Variants in TTC7B observed in about 807,000 individuals in gnomAD.
TTC7B encodes tetratricopeptide repeat domain 7B.
TTC7B carries 28 observed loss-of-function variants against 106.8 expected under a neutral mutation model. The observed-to-expected ratio is 0.26, with a 90% CI of 0.19 to 0.36. TTC7B has a LOEUF of 0.36. Among genes scored for constraint, TTC7B ranks in the 10% least tolerant of loss-of-function variants. The pLI, the probability that TTC7B is intolerant of heterozygous loss-of-function variation, is 1.00. For synonymous variants in TTC7B, 405 were observed against 430.6 expected, an observed-to-expected ratio of 0.94 and a Z score of 0.74; for missense variants, 862 against 1,076.4, an observed-to-expected ratio of 0.80 and a Z score of 2.79.
At chr14:90,542,001 G>A (rs908588758) in intron 19 of TTC7B, among the ~76,000 whole-genome samples, 6 of 152,106 alleles carry the variant, frequency 3.9e-5, no homozygotes, top group African/African-American at 1.2e-4. Flanking sequence ...GTGCAGTGGC[G>A]CGATCTTGGC....
In TTC7B at chr14:90,657,261, C is replaced by T. The variant is rs760210286; in HGVS notation, c.1254G>A (p.Lys418=). 5.0e-6 allele frequency: 8 copies of T among 1,613,940 alleles called. No individual in the cohort carries two copies. The highest frequency in any genetic ancestry group is 5.9e-6 in the Non-Finnish European group (7 of 1,180,002). The change falls in exon 11 of 20, where the codon AAG becomes AAA. Residue 418 remains lysine, a synonymous_variant. Transcript: ENST00000328459. The surrounding 1 kb of genome is among the most constrained non-coding windows in gnomAD (Gnocchi z 4.2). The part of the protein sequence containing the change: ...MAAGKSARAV[K]VLKECIRLKP... The stretch of plus-strand genomic sequence containing the variant: ...TCAGGCGGATACACTCTTTCAGCAC[C>T]TTCACGGCACGGGCAGACTTGGCAA...
intron 1 of TTC7B, among the ~76,000 whole-genome samples, chr14:90,814,080 T>C (rs1217116143): frequency 1.3e-5 from 2 of 152,240 alleles, no homozygotes; most frequent in Non-Finnish European, 2.9e-5. Context: ...TGTGAGTCTC[T>C]AGGACAAAAA....
chr14:90,596,734 A>G (rs373944330), intron 17 of TTC7B, among the ~76,000 whole-genome samples: 4 of 152,218 alleles, frequency 2.6e-5, no homozygotes, highest in African/African-American at 9.6e-5. Context: ...CCCTTATTAG[A>G]CCGTGTGGGT....
intron 3 of TTC7B, among the ~76,000 whole-genome samples, chr14:90,754,596 T>G (rs149287524): frequency 3.9e-5 from 6 of 152,318 alleles, no homozygotes; most frequent in Non-Finnish European, 7.4e-5. Flanking sequence ...TGAGATATTA[T>G]TCACATACCA....
chr14:90,804,092 T>C (rs1242794313), intron 1 of TTC7B, among the ~76,000 whole-genome samples: 3 of 151,892 alleles, frequency 2.0e-5, no homozygotes, highest in South Asian at 2.1e-4. Context: ...TCCCAGCACT[T>C]TGGAAGGCCG....
rs563866388 is a variant in TTC7B, at chr14:90,795,453, C to T, written c.122-9125G>A. ...GGCACACAGCTGGTCGTGGAGCAGC[C>T]GGACTGCAAAGTGGGGCCAGAAGTG... On this transcript the variant is annotated intron_variant, in intron 1 of 19. Coordinates refer to ENST00000328459, the MANE Select transcript of TTC7B (RefSeq NM_001010854.2). Among the ~76,000 whole-genome samples the T allele has an allele frequency of 1.4e-4, 21 of 152,270 alleles. 1 individual carries two copies. In the East Asian group the frequency reaches 1.5e-3, roughly 11 times the overall value.
chr14:90,748,129 AT>A lies in TTC7B; in HGVS notation c.446-3208del, dbSNP rs891054064. Among the ~76,000 whole-genome samples, 46 of 152,068 alleles carry A rather than the reference AT, an allele frequency of 3.0e-4. 1 individual carries two copies. The highest frequency in any genetic ancestry group is 1.2e-4 in the Non-Finnish European group (8 of 68,006). ...ATTTAAATCATTTATATTTAATGTA[AT>A]TTTTTAAACAGATAGGTTTAAATCT... On this transcript the variant is annotated intron_variant, in intron 3 of 19. Transcript: ENST00000328459.
rs1454322453 is a variant in TTC7B at position 90,525,494 on chromosome 14, C to CT, written c.*15873dup. The stretch of plus-strand genomic sequence containing the variant: ...GGCCTCGGACCGCACCGCTTTCGCC[C>CT]TGCGGCCCGGCTCGGTAGCCTGATC... On this transcript the variant is annotated 3_prime_UTR_variant, in exon 20 of 20. Transcript: ENST00000328459. 1.3e-5 allele frequency: 2 copies of CT among 151,752 alleles called. No individual in the cohort carries two copies. Among genetic ancestry groups the CT allele is most frequent in the African/African-American group, 4.8e-5 (2 of 41,334 alleles). The allele number at this position is 151,752 out of a possible 1,614,324, so 9.4% of individuals were successfully genotyped here.
intron 7 of TTC7B, among the ~76,000 whole-genome samples, chr14:90,682,650 C>CTGGG (rs1887099985): frequency 6.6e-6 from 1 of 152,156 alleles, no homozygotes; most frequent in African/African-American, 2.4e-5. Flanking sequence ...GTACCCAGGC[C>CTGGG]TCAGCCTTGA....
At chr14:90,796,046 C>T (rs1315706463) in intron 1 of TTC7B, among the ~76,000 whole-genome samples, 3 of 152,312 alleles carry the variant, frequency 2.0e-5, no homozygotes, top group African/African-American at 7.2e-5. Flanking sequence ...TGAACGCAGG[C>T]AGTCTCCCTA....
chr14:90,582,550 A>G (rs540026804), intron 18 of TTC7B, among the ~76,000 whole-genome samples: 1 of 152,344 alleles, frequency 6.6e-6, no homozygotes, highest in Non-Finnish European at 1.5e-5. Flanking sequence ...TTCCTCCAGC[A>G]ACTTCCATTC....
In TTC7B at chr14:90,805,882, C is replaced by T. The variant is rs1008929472; in HGVS notation, c.121+10293G>A. ...GGGGCACTTGGCCTCCTTGATCCCC[C>T]GGGGAAGGTGGGGCTGTGGCCTTTG... On this transcript the variant is annotated intron_variant, in intron 1 of 19. Transcript: ENST00000328459. This position sits in a 1 kb window ranked among gnomAD's most constrained non-coding sequence, Gnocchi z 4.0. Among the ~76,000 whole-genome samples, 21 of 152,230 alleles carry T rather than the reference C, an allele frequency of 1.4e-4. No homozygotes were observed. The highest frequency in any genetic ancestry group is 1.9e-4 in the African/African-American group (8 of 41,470).
Position 90,532,517 on chromosome 14 carries a change from G to A in TTC7B, c.*8851C>T, listed in dbSNP as rs1033321819. 1 of 152,358 alleles carries A rather than the reference G, an allele frequency of 6.6e-6. No individual in the cohort carries two copies. Among genetic ancestry groups the A allele is most frequent in the East Asian group, 1.9e-4 (1 of 5,184 alleles). The allele number at this position is 152,358 out of a possible 1,614,324, so 9.4% of individuals were successfully genotyped here. Reference sequence around the variant, plus strand: ...CCTCTTAAAGGTGAAGAAGCCCAGTGTCCTCCAGGGTGGGCACCTTCTTGT... The same window carrying A: ...CCTCTTAAAGGTGAAGAAGCCCAGTATCCTCCAGGGTGGGCACCTTCTTGT... On this transcript the variant is annotated 3_prime_UTR_variant, in exon 20 of 20. Transcript: ENST00000328459.
Position 90,608,520 on chromosome 14 carries a change from T to C in TTC7B, c.1966+2222A>G, listed in dbSNP as rs776365036. Among the ~76,000 whole-genome samples the C allele has an allele frequency of 2.0e-4, 30 of 151,994 alleles. No individual in the cohort carries two copies. Among genetic ancestry groups the C allele is most frequent in the Non-Finnish European group, 4.0e-4 (27 of 67,992 alleles). On this transcript the variant is annotated intron_variant, in intron 17 of 19. Transcript: ENST00000328459. This position sits in a 1 kb window ranked among gnomAD's most constrained non-coding sequence, Gnocchi z 5.1. ...TGAGGAAGGGCATAGGAGCCCGCGGTCCTGACTCCAAACACCTAGGCTCTC... is the reference window on the plus strand; with the variant it reads ...TGAGGAAGGGCATAGGAGCCCGCGGCCCTGACTCCAAACACCTAGGCTCTC...
rs1446287386 is a variant in TTC7B at position 90,676,413 on chromosome 14, G to C, written c.1152+110C>G. ...TTAAGTGACTGGCCCAAGATCACAT[G>C]GCTGCCACTAATAGAGGGGGGCCCA... On this transcript the variant is annotated intron_variant, in intron 9 of 19. Coordinates refer to ENST00000328459, the MANE Select transcript of TTC7B (RefSeq NM_001010854.2). 3.8e-6 allele frequency: 5 copies of C among 1,312,500 alleles called. No homozygotes were observed. The African/African-American group carries it at 7.3e-5, about 19-fold the overall frequency. 81.3% of individuals were successfully genotyped at this position (1,312,500 alleles called of 1,614,324 possible).
At chr14:90,605,091 A>C (rs1419268016) in intron 17 of TTC7B, among the ~76,000 whole-genome samples, 1 of 152,188 alleles carries the variant, frequency 6.6e-6, no homozygotes, top group Non-Finnish European at 1.5e-5. Flanking sequence ...GGTGGGGACC[A>C]GGGGATCCGC....
intron 7 of TTC7B, among the ~76,000 whole-genome samples, chr14:90,685,283 C>G (rs1887213234): frequency 6.6e-6 from 1 of 152,168 alleles, no homozygotes; most frequent in Non-Finnish European, 1.5e-5. Context: ...TCTACGGATT[C>G]CCTTTCCCAC....
chr14:90,526,917 T>C lies in TTC7B; in HGVS notation c.*14451A>G, dbSNP rs1262157439. 4.6e-5 allele frequency: 7 copies of C among 152,222 alleles called. No individual in the cohort carries two copies. Among genetic ancestry groups the C allele is most frequent in the African/African-American group, 1.7e-4 (7 of 41,452 alleles). 9.4% of individuals were successfully genotyped at this position (152,222 alleles called of 1,614,324 possible). A position where few individuals can be genotyped will look rare whatever the true frequency, so the allele number is the denominator to read the frequency against. On this transcript the variant is annotated 3_prime_UTR_variant, in exon 20 of 20. Transcript: ENST00000328459. ...TATTAGCTGCATGAGGACGTACTAA[T>C]ACGGTGCCTTTCATCCAGGACCCCG...
chr14:90,591,395 C>A (rs950893030), intron 18 of TTC7B, among the ~76,000 whole-genome samples: 1 of 152,102 alleles, frequency 6.6e-6, no homozygotes, highest in Admixed American at 6.5e-5. Context: ...CCATTAAGTT[C>A]TTCAATATTC....
Sources: allele counts gnomAD v4.1 joint callset (sites outside exome capture counted in the v4.1 genomes callset), GRCh38; gene constraint gnomAD v4.1.1; non-coding constraint Gnocchi (gnomAD v3.1); transcripts MANE v1.5; gene names NCBI Gene and HGNC (gene_info 2026-07-23, HGNC 2026-07-21).